Variants in COL3A1 observed in about 807,000 individuals in gnomAD.
COL3A1 encodes the protein collagen alpha-1(III) chain.
COL3A1 carries 46 observed loss-of-function variants against 200.9 expected under a neutral mutation model. The ratio of observed to expected loss-of-function variants is 0.23; its 90% CI spans 0.18 to 0.29. The LOEUF is 0.29. Among genes scored for constraint, COL3A1 ranks in the 10% least tolerant of loss-of-function variants. The pLI is 1.00. For missense variants in COL3A1, 1,367 were observed against 1,917.6 expected (o/e 0.71, Z 5.36); for synonymous variants, 650 against 628.0 (o/e 1.03, Z -0.52).
chr2:188,975,760 A>T (rs1687796263), intron 1 of COL3A1, among the ~76,000 whole-genome samples: 1 of 151,960 alleles, frequency 6.6e-6, no homozygotes, highest in Non-Finnish European at 1.5e-5. Context: ...GAAAAGAAAC[A>T]CCCATTTTCC....
chr2:188,992,846 A>C, intron 14 of COL3A1, 41 bp from the exon 15 acceptor site: 1 of 1,550,762 alleles, frequency 6.4e-7, no homozygotes, highest in Non-Finnish European at 8.9e-7. Context: ...GCTTTCATTT[A>C]GTTGAAAAAG....
At chr2:188,987,389 T>C (rs7576108) in intron 5 of COL3A1, among the ~76,000 whole-genome samples, 1 of 151,522 alleles carries the variant, frequency 6.6e-6, no homozygotes, top group Non-Finnish European at 1.5e-5. Context: ...CTTATTAACA[T>C]CTCAGAAAAG....
At chr2:188,995,609 C>A (rs1182467724) in intron 21 of COL3A1, 83 bp from the exon 22 acceptor site, 2 of 896,456 alleles carry the variant, frequency 2.2e-6, no homozygotes, top group Non-Finnish European at 3.5e-6. Flanking sequence ...CAAATGACGT[C>A]CTCTCTTTGT....
intron 41 of COL3A1, 35 bp downstream of exon 41, chr2:189,005,492 A>G: frequency 1.3e-6 from 2 of 1,550,786 alleles, no homozygotes; most frequent in Non-Finnish European, 1.8e-6. Flanking sequence ...AGCCAGGTAG[A>G]ATTTGATAAT....
chr2:188,987,411 GA>G (rs1688086600), intron 5 of COL3A1, among the ~76,000 whole-genome samples: 1 of 150,202 alleles, frequency 6.7e-6, no homozygotes, highest in Admixed American at 6.6e-5. Context: ...GTTTATAAGA[GA>G]AAATGGAAAT....
intron 40 of COL3A1, 104 bp downstream of exon 40, chr2:189,004,468 T>A: frequency 2.0e-6 from 2 of 1,007,764 alleles, no homozygotes; most frequent in Non-Finnish European, 2.9e-6. Context: ...TGGAGTAAAT[T>A]AGCCAGGAGA....
At chr2:188,986,209 G>C (rs1464324001) in intron 4 of COL3A1, among the ~76,000 whole-genome samples, 2 of 151,922 alleles carry the variant, frequency 1.3e-5, no homozygotes, top group Non-Finnish European at 2.9e-5. Flanking sequence ...TATTGAACAG[G>C]ATTATTTCTG....
Position 188,994,218 on chromosome 2 carries a change from T to A in COL3A1, c.1195-16T>A. ...ATTCAAGTTCGGCTAATATAGTGTCTTTGGTTTGTTCTTAGGGTCCCGCTG... is the reference window on the plus strand; with the variant it reads ...ATTCAAGTTCGGCTAATATAGTGTCATTGGTTTGTTCTTAGGGTCCCGCTG... On this transcript the variant is annotated splice_polypyrimidine_tract_variant and intron_variant, in intron 17 of 50. Coordinates refer to ENST00000304636, the MANE Select transcript of COL3A1 (RefSeq NM_000090.4). The surrounding 1 kb of genome is among the most constrained non-coding windows in gnomAD (Gnocchi z 4.5). 1 of 1,613,890 alleles carries A rather than the reference T, an allele frequency of 6.2e-7. No individual in the cohort carries two copies. The highest frequency in any genetic ancestry group is 8.5e-7 in the Non-Finnish European group (1 of 1,179,780).
intron 29 of COL3A1, 35 bp from the exon 30 acceptor site, chr2:188,999,250 T>G: frequency 6.5e-7 from 1 of 1,536,658 alleles, no homozygotes. Context: ...AGCTTTGGGT[T>G]GTCTAATATG....
rs768134782 is a variant in COL3A1 at position 188,997,148 on chromosome 2, G to A, written c.1762-17G>A. 13 of 1,612,058 alleles carry A rather than the reference G, an allele frequency of 8.1e-6. No homozygotes were observed. Among genetic ancestry groups the A allele is most frequent in the South Asian group, 5.5e-5 (5 of 90,960 alleles). On this transcript the variant is annotated splice_polypyrimidine_tract_variant and intron_variant, in intron 24 of 50. Coordinates refer to ENST00000304636, the MANE Select transcript of COL3A1 (RefSeq NM_000090.4). ...TGCCCTTTGAGGATTAGTAAATACC[G>A]ACCACTTCTTCTTTAGGGTGCTCCT...
rs775512273 is a variant in COL3A1 at position 188,984,826 on chromosome 2, C to T, written c.146C>T (p.Pro49Leu). 1 of 1,613,168 alleles carries T rather than the reference C, an allele frequency of 6.2e-7. No individual in the cohort carries two copies. Among genetic ancestry groups the T allele is most frequent in the Non-Finnish European group, 8.5e-7 (1 of 1,179,372 alleles). Reference protein sequence around the residue: ...YADRDVWKPEPCQICVCDSGS... With the variant: ...YADRDVWKPELCQICVCDSGS... ...GATAGAGATGTCTGGAAGCCAGAAC[C>T]ATGCCAAATATGTGTCTGTGACTCA... Residue 49 changes from proline (P) to leucine (L), a missense_variant, in exon 2 of 51, where the codon CCA becomes CTA. Around this residue, in one of 5 missense-constraint regions of COL3A1, gnomAD observed 3 missense variants for 17.3 expected, o/e 0.17. Coordinates refer to ENST00000304636, the MANE Select transcript of COL3A1 (RefSeq NM_000090.4).
At chr2:189,009,341 G>T (rs1688669717) in intron 48 of COL3A1, 120 bp downstream of exon 48, 1 of 1,244,176 alleles carries the variant, frequency 8.0e-7, no homozygotes. Context: ...CTTTAAGAAA[G>T]TTAACTGAAT....
chr2:189,008,313 A>C, intron 47 of COL3A1, 171 bp downstream of exon 47: 1 of 672,016 alleles, frequency 1.5e-6, no homozygotes, highest in Non-Finnish European at 2.6e-6. Context: ...TGTTTCTACC[A>C]CACTATAACA....
chr2:188,993,049 T>C (rs1688221329), intron 15 of COL3A1, 109 bp downstream of exon 15: 1 of 982,522 alleles, frequency 1.0e-6, no homozygotes, highest in Admixed American at 1.8e-5. Flanking sequence ...GGATAGCTTT[T>C]ATCTATACAT....
intron 21 of COL3A1, 93 bp from the exon 22 acceptor site, chr2:188,995,599 C>G: frequency 1.2e-6 from 1 of 827,378 alleles, no homozygotes; most frequent in Non-Finnish European, 2.0e-6. Flanking sequence ...TTTAAAAGTT[C>G]AAATGACGTC....
Position 188,998,336 on chromosome 2 carries a change from T to C in COL3A1, c.1977+17T>C. ...GGGGAACCAGTAAGTTACGTTTCATTATTCAAAACTCAGAAACAAAAAGAA... is the reference window on the plus strand; with the variant it reads ...GGGGAACCAGTAAGTTACGTTTCATCATTCAAAACTCAGAAACAAAAAGAA... On this transcript the variant is annotated intron_variant, in intron 28 of 50. Transcript: ENST00000304636. The C allele has an allele frequency of 1.2e-6, 2 of 1,609,866 alleles. No homozygotes were observed. Among genetic ancestry groups the C allele is most frequent in the Non-Finnish European group, 1.7e-6 (2 of 1,176,680 alleles).
intron 34 of COL3A1, 63 bp from the exon 35 acceptor site, chr2:189,002,234 AT>A (rs1489653584): frequency 1.0e-5 from 13 of 1,300,686 alleles, no homozygotes; most frequent in Non-Finnish European, 1.5e-5. Flanking sequence ...ATAAGATGAC[AT>A]TTCCTGCCTA....
intron 14 of COL3A1, among the ~76,000 whole-genome samples, chr2:188,992,440 C>T (rs1418039374): frequency 6.6e-6 from 1 of 151,992 alleles, no homozygotes; most frequent in Non-Finnish European, 1.5e-5. Context: ...TATATACACT[C>T]CTGTGATTAA....
At position 189,007,007 on chromosome 2, in the gene COL3A1, T is replaced by G. The variant is rs1361961537; in HGVS notation, c.3255+17T>G. Reference sequence around the variant, plus strand: ...GGTGCTCCTGTAAGTTTTGTCATTTTTTGGTTTTATTTTGTTTTGTTCTTT... The same window carrying G: ...GGTGCTCCTGTAAGTTTTGTCATTTGTTGGTTTTATTTTGTTTTGTTCTTT... On this transcript the variant is annotated intron_variant, in intron 44 of 50. Transcript: ENST00000304636. 6.2e-7 allele frequency: 1 copy of G among 1,609,600 alleles called. No homozygotes were observed. The highest frequency in any genetic ancestry group is 2.2e-5 in the East Asian group (1 of 44,640).
Sources: gnomAD v4.1 joint callset for allele counts (sites outside exome capture counted in the v4.1 genomes callset) on GRCh38, gnomAD v4.1.1 for gene constraint, gnomAD v4.1.1 regional missense constraint, Gnocchi (gnomAD v3.1) non-coding constraint, MANE v1.5 for transcripts, NCBI Gene and HGNC (gene_info 2026-07-23, HGNC 2026-07-21) for gene names.